ITGB7: variants seen among roughly 807,000 people sequenced by gnomAD.
ITGB7 encodes integrin subunit beta 7.
A neutral mutation model predicts 83.4 loss-of-function variants in ITGB7; 55 were observed. The observed-to-expected ratio is 0.66, with a 90% CI of 0.53 to 0.83. ITGB7 has a LOEUF of 0.83. Among genes scored for constraint, ITGB7 ranks in the 40% least tolerant of loss-of-function variants. The pLI is 0.00. For synonymous variants in ITGB7, 454 were observed against 423.6 expected, an observed-to-expected ratio of 1.07 and a Z score of -0.88; for missense variants, 921 against 1,046.7, an observed-to-expected ratio of 0.88 and a Z score of 1.66.
chr12:53,204,690 A>C (rs1408704723), intron 1 of ITGB7, among the ~76,000 whole-genome samples: 1 of 152,150 alleles, frequency 6.6e-6, no homozygotes, highest in African/African-American at 2.4e-5. Flanking sequence ...AAAAATGATA[A>C]ATGTTTGTGT....
chr12:53,195,926 G>T, intron 7 of ITGB7, 115 bp downstream of exon 7: 3 of 1,228,476 alleles, frequency 2.4e-6, no homozygotes, highest in South Asian at 1.4e-5. Context: ...TGGAGAAGAT[G>T]GCAGGGTGTC....
chr12:53,206,251 C>T (rs1343764272), intron 1 of ITGB7, among the ~76,000 whole-genome samples: 1 of 152,128 alleles, frequency 6.6e-6, no homozygotes, highest in South Asian at 2.1e-4. Context: ...TTTCTCTGCT[C>T]CACTTCTTCA....
chr12:53,194,669 A>C (rs1942094839), intron 9 of ITGB7: 1 of 257,646 alleles, frequency 3.9e-6, no homozygotes, highest in Non-Finnish European at 7.6e-6. Context: ...ACCTGGGTGC[A>C]TGCCAGGTCT....
chr12:53,203,546 A>G (rs774940676), intron 1 of ITGB7, among the ~76,000 whole-genome samples: 16 of 150,910 alleles, frequency 1.1e-4, no homozygotes, highest in Non-Finnish European at 2.4e-4. Flanking sequence ...TACTCGGGAA[A>G]CTGAGGCACA....
rs769037162 is a variant in ITGB7, at chr12:53,195,699, A to G, written c.998T>C (p.Val333Ala). 1.2e-6 allele frequency: 2 copies of G among 1,613,896 alleles called. No individual in the cohort carries two copies. Among genetic ancestry groups the G allele is most frequent in the South Asian group, 1.1e-5 (1 of 91,080 alleles). The change falls in exon 8 of 16, where the codon GTA (valine) becomes GCA (alanine). Residue 333 changes from valine to alanine, a missense_variant. Physicochemically the swap from Val to Ala is moderately conservative, Grantham distance 64. Transcript: ENST00000267082. ...TEFDYPSVGQ[V>A]AQALSAANIQ... is the part of the protein sequence containing the mutation. ...ATTTGCTGCAGAGAGGGCCTGGGCTACCTGACCCACAGAAGGGTAGTCCTG... is the reference window on the plus strand; with the variant it reads ...ATTTGCTGCAGAGAGGGCCTGGGCTGCCTGACCCACAGAAGGGTAGTCCTG...
intron 1 of ITGB7, among the ~76,000 whole-genome samples, chr12:53,202,862 G>A (rs1460694527): frequency 1.3e-5 from 2 of 152,066 alleles, no homozygotes; most frequent in Non-Finnish European, 1.5e-5. Flanking sequence ...AAAATAAAAG[G>A]TGCTTTCAAC....
intron 5 of ITGB7, 131 bp from the exon 6 acceptor site, chr12:53,196,951 C>G (rs1942182373): frequency 1.9e-6 from 2 of 1,041,032 alleles, no homozygotes; most frequent in African/African-American, 1.6e-5. Flanking sequence ...GGGCAGGGAC[C>G]TGGTAACTGG....
intron 3 of ITGB7, among the ~76,000 whole-genome samples, chr12:53,198,415 C>A (rs1479152122): frequency 6.6e-6 from 1 of 150,376 alleles, no homozygotes; most frequent in African/African-American, 2.4e-5. Flanking sequence ...TGAACCACCA[C>A]GCCTTTTTTT....
chr12:53,196,109 T>G lies in ITGB7; in HGVS notation c.907A>C (p.Ile303Leu). The change falls in exon 7 of 16, where the codon ATT becomes CTT. Residue 303 changes from isoleucine to leucine, a missense_variant. Physicochemically the swap from Ile to Leu is conservative, Grantham distance 5 (BLOSUM62 2). Transcript: ENST00000267082. Reference protein sequence around the residue: ...HTAGDGKLGGIFMPSDGHCHL... With the variant: ...HTAGDGKLGGLFMPSDGHCHL... ...CAGTGCCCATCACTGGGCATGAAAA[T>G]GCCGCCCAACTTCCCGTCCCCAGCT... The G allele has an allele frequency of 6.2e-7, 1 of 1,614,158 alleles. No homozygotes were observed.
At chr12:53,195,177 C>T (rs1942114768) in intron 9 of ITGB7, 197 bp downstream of exon 9, 2 of 593,160 alleles carry the variant, frequency 3.4e-6, no homozygotes, top group Non-Finnish European at 6.0e-6. Flanking sequence ...ATGCTGTCTG[C>T]ATGTCAGATG....
chr12:53,200,210 C>T, intron 3 of ITGB7, 33 bp downstream of exon 3: 2 of 1,574,996 alleles, frequency 1.3e-6, no homozygotes, highest in Non-Finnish European at 1.7e-6. Context: ...CATACACATA[C>T]ACATGGTTCA....
Position 53,197,505 on chromosome 12 carries a change from A to C in ITGB7, c.562T>G (p.Ser188Ala). The C allele has an allele frequency of 1.2e-6, 2 of 1,614,112 alleles. No individual in the cohort carries two copies. The highest frequency in any genetic ancestry group is 2.2e-5 in the South Asian group (2 of 91,090). The change falls in exon 5 of 16, where the codon TCT becomes GCT. Residue 188 changes from serine to alanine, a missense_variant. Physicochemically the swap from Ser to Ala is moderately conservative, Grantham distance 99. Coordinates refer to ENST00000267082, the MANE Select transcript of ITGB7 (RefSeq NM_000889.3). ...LLVRLQEVTH[S>A]VRIGFGSFVD... ...GCGCTCGGCTCACCAATGCGCACAGAATGGGTGACTTCCTGCAGCCGGACC... is the reference window on the plus strand; with the variant it reads ...GCGCTCGGCTCACCAATGCGCACAGCATGGGTGACTTCCTGCAGCCGGACC...
chr12:53,197,742 T>G lies in ITGB7; in HGVS notation c.403+8A>C, dbSNP rs1203457692. 2.5e-6 allele frequency: 4 copies of G among 1,583,654 alleles called. No homozygotes were observed. In the South Asian group the frequency reaches 4.6e-5, roughly 18 times the overall value. On this transcript the variant is annotated splice_region_variant and intron_variant, in intron 4 of 15. Coordinates refer to ENST00000267082, the MANE Select transcript of ITGB7 (RefSeq NM_000889.3). ...ACCTCTGGCCTGGCCCCGCCTCCCC[T>G]AACTCACCAGGCCGCAGCGTGACCC...
Position 53,196,128 on chromosome 12 carries a change from C to T in ITGB7, c.888G>A (p.Gly296=). 2 of 1,614,192 alleles carry T rather than the reference C, an allele frequency of 1.2e-6. No individual in the cohort carries two copies. The highest frequency in any genetic ancestry group is 1.7e-6 in the Non-Finnish European group (2 of 1,180,018). ...FTSDDTFHTA[G]DGKLGGIFMP... ...TGAAAATGCCGCCCAACTTCCCGTC[C>T]CCAGCTGTATGGAATGTGTCGTCTG... Residue 296 remains glycine, a synonymous_variant, in exon 7 of 16, where the codon GGG becomes GGA. Transcript: ENST00000267082.
In ITGB7 at chr12:53,207,228, T is replaced by G. The variant is rs1942463201; in HGVS notation, c.-153A>C. 6.6e-6 allele frequency: 1 copy of G among 152,568 alleles called. No individual in the cohort carries two copies. The highest frequency in any genetic ancestry group is 2.1e-4 in the South Asian group (1 of 4,818). 9.5% of individuals were successfully genotyped at this position (152,568 alleles called of 1,614,324 possible). A position where few individuals can be genotyped will look rare whatever the true frequency, so the allele number is the denominator to read the frequency against. On this transcript the variant is annotated 5_prime_UTR_variant, in exon 1 of 16. Transcript: ENST00000267082. The stretch of plus-strand genomic sequence containing the variant: ...GGTGCGTGCAGAGCAGTCCTTCCTC[T>G]GGCGGCAGCAGCAGCCTTTGTGTAC...
At chr12:53,197,183 C>T (rs1177110180) in intron 5 of ITGB7, 2 of 555,862 alleles carry the variant, frequency 3.6e-6, no homozygotes, top group Non-Finnish European at 6.5e-6. Flanking sequence ...TCCAGGGAGA[C>T]TTGCATCAGG....
At chr12:53,193,104 C>T (rs1942025213) in intron 12 of ITGB7, 36 bp downstream of exon 12, 6 of 1,568,748 alleles carry the variant, frequency 3.8e-6, no homozygotes, top group Non-Finnish European at 5.2e-6. Flanking sequence ...GGGAAGGCCT[C>T]TCAGACCCCG....
intron 10 of ITGB7, 111 bp downstream of exon 10, chr12:53,194,087 C>T: frequency 1.3e-6 from 2 of 1,491,550 alleles, no homozygotes; most frequent in Non-Finnish European, 1.8e-6. Context: ...GGAGGACTAC[C>T]TCAGGCTCTC....
At chr12:53,197,694 A>G (rs749563937) in intron 4 of ITGB7, 31 bp from the exon 5 acceptor site, 1 of 1,607,420 alleles carries the variant, frequency 6.2e-7, no homozygotes. Flanking sequence ...GGGTCAGCAG[A>G]GCGCATTGGA....
Sources: allele counts gnomAD v4.1 joint callset (sites outside exome capture counted in the v4.1 genomes callset), GRCh38; gene constraint gnomAD v4.1.1; transcripts MANE v1.5; gene names NCBI Gene and HGNC (gene_info 2026-07-23, HGNC 2026-07-21).